The following PCDH17 variants were observed in gnomAD, a reference collection of about 807,000 sequenced individuals.
The protein encoded by PCDH17 is protocadherin-17.
Under a neutral mutation model 67.7 loss-of-function variants are expected in PCDH17, and 21 were observed. The observed-to-expected ratio is 0.31, with a 90% CI of 0.22 to 0.45. The LOEUF is 0.45. Among genes scored for constraint, PCDH17 ranks in the 20% least tolerant of loss-of-function variants. The pLI, the probability that PCDH17 is intolerant of heterozygous loss-of-function variation, is 1.00. For synonymous variants in PCDH17, 701 were observed against 656.7 expected (o/e 1.07, Z -1.03); for missense variants, 1,471 against 1,564.8 (o/e 0.94, Z 1.01).
At chr13:57,697,354 C>T (rs184048252) in intron 3 of PCDH17, among the ~76,000 whole-genome samples, 3 of 151,542 alleles carry the variant, frequency 2.0e-5, no homozygotes, top group Admixed American at 2.0e-4. Flanking sequence ...TTCTTTTTTC[C>T]TCAAGAGATA....
chr13:57,678,133 C>A (rs1004345323), intron 3 of PCDH17, among the ~76,000 whole-genome samples: 1 of 140,810 alleles, frequency 7.1e-6, no homozygotes, highest in African/African-American at 2.6e-5. Flanking sequence ...TTCACTCTCT[C>A]TCTCTATCTC....
intron 1 of PCDH17, among the ~76,000 whole-genome samples, chr13:57,650,676 C>A (rs1427411591): frequency 6.6e-6 from 1 of 151,940 alleles, no homozygotes; most frequent in Non-Finnish European, 1.5e-5. Context: ...TTATATATTG[C>A]AAATATTCTA....
intron 1 of PCDH17, among the ~76,000 whole-genome samples, chr13:57,648,302 T>A (rs985444187): frequency 6.6e-6 from 1 of 151,904 alleles, no homozygotes; most frequent in Non-Finnish European, 1.5e-5. Context: ...TAAGGTAGAA[T>A]CAACATGTTG....
At chr13:57,668,325 A>G (rs1274742954) in intron 3 of PCDH17, among the ~76,000 whole-genome samples, 1 of 152,072 alleles carries the variant, frequency 6.6e-6, no homozygotes, top group African/African-American at 2.4e-5. Flanking sequence ...TGATTGATAG[A>G]TAATTGATTG....
intron 3 of PCDH17, among the ~76,000 whole-genome samples, chr13:57,675,338 A>G (rs1955379924): frequency 6.6e-6 from 1 of 151,948 alleles, no homozygotes; most frequent in Admixed American, 6.6e-5. Flanking sequence ...TGGAAACAGG[A>G]AAGCTTTTAA....
At position 57,727,722 on chromosome 13, in the gene PCDH17, T is replaced by C. The variant is rs949190244; in HGVS notation, c.*2428T>C. 1.3e-5 allele frequency: 2 copies of C among 152,162 alleles called. No individual in the cohort carries two copies. The highest frequency in any genetic ancestry group is 2.9e-5 in the Non-Finnish European group (2 of 68,002). The allele number at this position is 152,162 out of a possible 1,614,324, so 9.4% of individuals were successfully genotyped here. The stretch of plus-strand genomic sequence containing the variant: ...TATCTGAAATGTGTTGTCTCTGTTA[T>C]ATGATGTTATTTTTGCCAGGAGACT... On this transcript the variant is annotated 3_prime_UTR_variant, in exon 4 of 4. Transcript: ENST00000377918.
rs1357606763 is a variant in PCDH17, at chr13:57,728,407, A to T, written c.*3113A>T. The T allele has an allele frequency of 1.3e-5, 2 of 151,590 alleles. No homozygotes were observed. Among genetic ancestry groups the T allele is most frequent in the East Asian group, 3.9e-4 (2 of 5,140 alleles). 9.4% of individuals were successfully genotyped at this position (151,590 alleles called of 1,614,324 possible). A position where few individuals can be genotyped will look rare whatever the true frequency, so the allele number is the denominator to read the frequency against. The stretch of plus-strand genomic sequence containing the variant: ...CATACAAAATATGTGATGTGATACC[A>T]CTTTGTCTTTTAGGTCTTTAAGTAA... On this transcript the variant is annotated 3_prime_UTR_variant, in exon 4 of 4. Transcript: ENST00000377918.
intron 3 of PCDH17, among the ~76,000 whole-genome samples, chr13:57,675,427 G>A (rs1382572252): frequency 6.6e-6 from 1 of 151,898 alleles, no homozygotes; most frequent in Non-Finnish European, 1.5e-5. Context: ...GCACAGACTG[G>A]GTTTTCAGGG....
At chr13:57,720,309 C>T (rs906132660) in intron 3 of PCDH17, among the ~76,000 whole-genome samples, 1 of 151,920 alleles carries the variant, frequency 6.6e-6, no homozygotes, top group Non-Finnish European at 1.5e-5. Context: ...ATTCTAAAAT[C>T]AGAGACAGTT....
At chr13:57,696,396 A>C (rs1024942256) in intron 3 of PCDH17, among the ~76,000 whole-genome samples, 2 of 151,378 alleles carry the variant, frequency 1.3e-5, no homozygotes, top group Non-Finnish European at 3.0e-5. Flanking sequence ...ATTATGTTTT[A>C]TTCCCAATAT....
At position 57,634,634 on chromosome 13, in the gene PCDH17, T is replaced by C. The variant is rs1441897233; in HGVS notation, c.2088T>C (p.Asn696=). Residue 696 remains asparagine, a synonymous_variant, in exon 1 of 4, where the codon AAT becomes AAC. Coordinates refer to ENST00000377918, the MANE Select transcript of PCDH17 (RefSeq NM_001040429.3). The surrounding 1 kb of genome is among the most constrained non-coding windows in gnomAD (Gnocchi z 7.8). The part of the protein sequence containing the change: ...GSLPEGVPRV[N]GEQHHWDMSL... ...TTCCCGAGGGGGTACCACGGGTGAATGGCGAGCAGCACCACTGGGACATGT... is the reference window on the plus strand; with the variant it reads ...TTCCCGAGGGGGTACCACGGGTGAACGGCGAGCAGCACCACTGGGACATGT... 5.0e-6 allele frequency: 8 copies of C among 1,613,376 alleles called. No homozygotes were observed. Among genetic ancestry groups the C allele is most frequent in the Non-Finnish European group, 6.8e-6 (8 of 1,179,980 alleles).
chr13:57,673,721 CTG>C (rs1387837803), intron 3 of PCDH17, among the ~76,000 whole-genome samples: 1 of 151,896 alleles, frequency 6.6e-6, no homozygotes, highest in African/African-American at 2.4e-5. Flanking sequence ...TTTAAGGACA[CTG>C]TTGTTTTCAC....
Position 57,632,559 on chromosome 13 carries a change from A to G in PCDH17, c.13A>G (p.Ile5Val), listed in dbSNP as rs755627827. 3 of 1,613,498 alleles carry G rather than the reference A, an allele frequency of 1.9e-6. No homozygotes were observed. Among genetic ancestry groups the G allele is most frequent in the South Asian group, 2.2e-5 (2 of 91,032 alleles). The change falls in exon 1 of 4, where the codon ATC becomes GTC. Residue 5 changes from isoleucine (I) to valine (V), a missense_variant. Around this residue, in one of 3 missense-constraint regions of PCDH17, gnomAD observed 1,163 missense variants for 1,230.0 expected, o/e 0.95. Coordinates refer to ENST00000377918, the MANE Select transcript of PCDH17 (RefSeq NM_001040429.3). ...TTACAGGTCTGGGATGTACCTTTCC[A>G]TCTGTTGCTGCTTTCTTCTATGGGC... is the stretch of plus-strand genomic sequence containing the variant. MYLS[I>V]CCCFLLWAPA...
chr13:57,727,156 A>G lies in PCDH17; in HGVS notation c.*1862A>G, dbSNP rs954873628. 1.3e-5 allele frequency: 2 copies of G among 152,536 alleles called. No homozygotes were observed. Among genetic ancestry groups the G allele is most frequent in the African/African-American group, 4.8e-5 (2 of 41,434 alleles). The allele number at this position is 152,536 out of a possible 1,614,324, so 9.4% of individuals were successfully genotyped here. A position where few individuals can be genotyped will look rare whatever the true frequency, so the allele number is the denominator to read the frequency against. On this transcript the variant is annotated 3_prime_UTR_variant, in exon 4 of 4. Coordinates refer to ENST00000377918, the MANE Select transcript of PCDH17 (RefSeq NM_001040429.3). ...CAGATGGGAAAATGCCTTGATTGAC[A>G]TTTTCTTTCAGCATTTAAAATTTTT... is the stretch of plus-strand genomic sequence containing the variant.
At chr13:57,668,881 G>A (rs926294228) in intron 3 of PCDH17, among the ~76,000 whole-genome samples, 1 of 152,026 alleles carries the variant, frequency 6.6e-6, no homozygotes, top group African/African-American at 2.4e-5. Flanking sequence ...TAGGGTACAT[G>A]TGCACAACGT....
At chr13:57,721,417 CT>C (rs533461308) in intron 3 of PCDH17, among the ~76,000 whole-genome samples, 5 of 150,652 alleles carry the variant, frequency 3.3e-5, no homozygotes, top group South Asian at 4.2e-4. Flanking sequence ...AAATAATTTG[CT>C]TTTTTTTTCA....
chr13:57,640,696 T>A (rs865998830), intron 1 of PCDH17, among the ~76,000 whole-genome samples: 28 of 152,012 alleles, frequency 1.8e-4, no homozygotes, highest in South Asian at 1.4e-3. Context: ...CCCAAGTTCC[T>A]GATTCTTTTG....
rs1245594282 is a variant in PCDH17 at position 57,666,520 on chromosome 13, T to G, written c.2618T>G (p.Val873Gly). ...TACATGGGCAGCAGGCAGCAGTTTG[T>G]TCAAAGGTAAGGCCTATTAAATAAC... ...PNYMGSRQQFVQSSSTFKDPE... is the reference protein window; with the variant it reads ...PNYMGSRQQFGQSSSTFKDPE... Residue 873 changes from valine (V) to glycine (G), a missense_variant, in exon 2 of 4, where the codon GTT (valine) becomes GGT (glycine). By Grantham distance (109) the Val-to-Gly change is moderately radical (BLOSUM62 -3). Transcript: ENST00000377918. The G allele has an allele frequency of 2.5e-6, 4 of 1,613,952 alleles. No individual in the cohort carries two copies. The highest frequency in any genetic ancestry group is 3.4e-6 in the Non-Finnish European group (4 of 1,179,884).
At chr13:57,723,280 C>G (rs1262850084) in intron 3 of PCDH17, among the ~76,000 whole-genome samples, 2 of 152,000 alleles carry the variant, frequency 1.3e-5, no homozygotes, top group Non-Finnish European at 2.9e-5. Flanking sequence ...AAATTTCAGC[C>G]TCTTAAGAAA....
Sources: allele counts gnomAD v4.1 joint callset (sites outside exome capture counted in the v4.1 genomes callset), GRCh38; gene constraint gnomAD v4.1.1; regional missense constraint gnomAD v4.1.1; non-coding constraint Gnocchi (gnomAD v3.1); transcripts MANE v1.5; gene names NCBI Gene and HGNC (gene_info 2026-07-23, HGNC 2026-07-21).